KAZN: variants seen among roughly 807,000 people sequenced by gnomAD.
KAZN encodes the protein kazrin.
In KAZN, 40 loss-of-function variants were observed where a neutral mutation model predicts 87.4. That is an observed-to-expected ratio of 0.46 (90% CI 0.36 to 0.60). The LOEUF (loss-of-function observed/expected upper bound fraction) is 0.60. KAZN is among the 20% of genes least tolerant of loss of function. KAZN has a pLI of 0.00. For synonymous variants in KAZN, 466 were observed against 458.3 expected (o/e 1.02, Z -0.22); for missense variants, 898 against 1,073.9 (o/e 0.84, Z 2.29).
chr1:14,410,812 C>G (rs545052487), intron 2 of KAZN, among the ~76,000 whole-genome samples: 5 of 152,132 alleles, frequency 3.3e-5, no homozygotes, highest in Admixed American at 2.6e-4. Context: ...ATGCCAGCGG[C>G]CACCAGAACC....
chr1:15,078,436 G>A (rs1248575677), intron 8 of KAZN, among the ~76,000 whole-genome samples: 2 of 152,096 alleles, frequency 1.3e-5, no homozygotes, highest in South Asian at 4.2e-4. Context: ...GATGGAACGA[G>A]GCCAAGAATT....
intron 1 of KAZN, among the ~76,000 whole-genome samples, chr1:14,600,169 T>C (rs1676846268): frequency 6.6e-6 from 1 of 152,146 alleles, no homozygotes; most frequent in African/African-American, 2.4e-5. Flanking sequence ...ATCATTTGAA[T>C]TGCAAATTAA....
intron 2 of KAZN, among the ~76,000 whole-genome samples, chr1:14,341,728 A>G (rs139407226): frequency 6.4e-4 from 97 of 151,884 alleles, no homozygotes; most frequent in Non-Finnish European, 1.0e-3. Flanking sequence ...TTCCCAACCA[A>G]CACCTGCTCT....
At chr1:14,482,827 A>G (rs750319722) in intron 2 of KAZN, among the ~76,000 whole-genome samples, 1 of 152,192 alleles carries the variant, frequency 6.6e-6, no homozygotes, top group African/African-American at 2.4e-5. Flanking sequence ...ATCCAAGTCA[A>G]CGGGAGCTAA....
intron 2 of KAZN, among the ~76,000 whole-genome samples, chr1:14,316,302 T>C (rs1055594218): frequency 2.0e-5 from 3 of 152,052 alleles, no homozygotes; most frequent in African/African-American, 7.2e-5. Flanking sequence ...ATTCGTATTT[T>C]TCAAGGAATT....
chr1:14,053,333 G>A lies in KAZN; in HGVS notation c.92-127102G>A, dbSNP rs550894649. Among the ~76,000 whole-genome samples, 25 of 152,308 alleles carry A rather than the reference G, an allele frequency of 1.6e-4. No individual in the cohort carries two copies. In the South Asian group the frequency reaches 2.5e-3, roughly 15 times the overall value. ...AGGTTGAACCATCAGAGGAGACGAC[G>A]AGATTGTAGCCCAGCCAACACCTTG... On this transcript the variant is annotated intron_variant, in intron 1 of 16. Transcript: ENST00000636203.
intron 14 of KAZN, chr1:15,112,782 C>CCTG: frequency 2.3e-6 from 1 of 433,388 alleles, no homozygotes; most frequent in Non-Finnish European, 4.2e-6. Context: ...AAGTGCAGGT[C>CCTG]TCACCTGCCT....
At chr1:14,920,467 A>G (rs1658383504) in intron 1 of KAZN, among the ~76,000 whole-genome samples, 1 of 150,084 alleles carries the variant, frequency 6.7e-6, no homozygotes, top group African/African-American at 2.5e-5. Context: ...GGATGAGGAC[A>G]CCTCCTGCTG....
chr1:14,529,657 G>A (rs1672106079), intron 2 of KAZN, among the ~76,000 whole-genome samples: 1 of 152,148 alleles, frequency 6.6e-6, no homozygotes, highest in Non-Finnish European at 1.5e-5. Flanking sequence ...CCCCAATAGA[G>A]GAGAAGGAAA....
intron 1 of KAZN, among the ~76,000 whole-genome samples, chr1:14,872,156 A>ACTAGATTT (rs1652215765): frequency 6.6e-6 from 1 of 152,188 alleles, no homozygotes; most frequent in Non-Finnish European, 1.5e-5. Context: ...GAGTCAGAAG[A>ACTAGATTT]CTAGATTTCA....
intron 2 of KAZN, among the ~76,000 whole-genome samples, chr1:14,181,575 G>A (rs576178932): frequency 5.3e-5 from 8 of 152,208 alleles, no homozygotes; most frequent in South Asian, 4.2e-4. Flanking sequence ...GCCTGAAGCC[G>A]CCCCATGGGA....
intron 2 of KAZN, among the ~76,000 whole-genome samples, chr1:15,034,057 C>A (rs1007629107): frequency 1.3e-5 from 2 of 152,120 alleles, no homozygotes; most frequent in Admixed American, 1.3e-4. Context: ...TAAATGACTT[C>A]CTGTTCTTTT....
At chr1:15,113,588 T>G (rs1641734781) in intron 14 of KAZN, 1 of 152,194 alleles carries the variant, frequency 6.6e-6, no homozygotes, top group African/African-American at 2.4e-5. Context: ...TGTGTGATAA[T>G]AATAGTCACT....
chr1:14,063,835 C>G (rs889648630), intron 1 of KAZN, among the ~76,000 whole-genome samples: 2 of 152,136 alleles, frequency 1.3e-5, no homozygotes, highest in African/African-American at 2.4e-5. Context: ...AATGGGAGTT[C>G]CGCGGCATAG....
intron 1 of KAZN, among the ~76,000 whole-genome samples, chr1:13,894,215 T>C (rs1319937141): frequency 1.3e-5 from 2 of 152,208 alleles, no homozygotes; most frequent in Non-Finnish European, 2.9e-5. Flanking sequence ...ACTTCCATGC[T>C]TATAAGTGTC....
At chr1:14,405,607 T>TGTGTGA (rs1491394882) in intron 2 of KAZN, among the ~76,000 whole-genome samples, 1 of 14,348 alleles carries the variant, frequency 7.0e-5, no homozygotes, top group African/African-American at 2.3e-4. Flanking sequence ...CCCAATAAAA[T>TGTGTGA]GTGTGTGTGT....
intron 2 of KAZN, among the ~76,000 whole-genome samples, chr1:14,971,249 T>A (rs1490919846): frequency 6.6e-6 from 1 of 152,108 alleles, no homozygotes; most frequent in Non-Finnish European, 1.5e-5. Flanking sequence ...AATACGAAAA[T>A]TAGCCAGGCA....
intron 1 of KAZN, among the ~76,000 whole-genome samples, chr1:14,637,287 C>T (rs1276230823): frequency 6.6e-6 from 1 of 152,172 alleles, no homozygotes; most frequent in East Asian, 1.9e-4. Flanking sequence ...TATTTGTGTT[C>T]ACTTTACTGA....
upstream of KAZN, among the ~76,000 whole-genome samples, chr1:14,595,242 C>G (rs1676420190): frequency 6.6e-6 from 1 of 152,110 alleles, no homozygotes; most frequent in Non-Finnish European, 1.5e-5. Flanking sequence ...AACTACAGAG[C>G]TGTGTGGGTC....
Sources: allele counts gnomAD v4.1 joint callset (sites outside exome capture counted in the v4.1 genomes callset), GRCh38; gene constraint gnomAD v4.1.1; transcripts MANE v1.5; gene names NCBI Gene and HGNC (gene_info 2026-07-23, HGNC 2026-07-21).